The following BAZ1B variants were observed in gnomAD, a reference collection of about 807,000 sequenced individuals.
BAZ1B encodes bromodomain adjacent to zinc finger domain 1B.
A neutral mutation model predicts 153.8 loss-of-function variants in BAZ1B; 22 were observed. The ratio of observed to expected loss-of-function variants is 0.14; its 90% CI spans 0.10 to 0.20. BAZ1B has a LOEUF of 0.20. Ranked by LOEUF, BAZ1B falls within the 10% of genes least tolerant of loss-of-function variation. The pLI is 1.00. For missense variants in BAZ1B, 1,325 were observed against 1,799.3 expected (o/e 0.74, Z 4.77); for synonymous variants, 676 against 633.4 (o/e 1.07, Z -1.01).
At chr7:73,461,749 T>C (rs1425931727) in intron 12 of BAZ1B, among the ~76,000 whole-genome samples, 3 of 152,096 alleles carry the variant, frequency 2.0e-5, no homozygotes, top group African/African-American at 7.2e-5. Context: ...AAAAATGGCA[T>C]GGGGGAATGC....
intron 17 of BAZ1B, 24 bp downstream of exon 17, chr7:73,443,960 G>A (rs1787726346): frequency 6.2e-7 from 1 of 1,613,280 alleles, no homozygotes; most frequent in Non-Finnish European, 8.5e-7. Context: ...AAAGGTTAGA[G>A]AAGGGATGAT....
At chr7:73,511,865 C>CA (rs562678974) in intron 1 of BAZ1B, among the ~76,000 whole-genome samples, 15,548 of 119,282 alleles carry the variant, frequency 0.13, 882 homozygotes, top group Middle Eastern at 0.15. Flanking sequence ...TACTAAAAAT[C>CA]AAAAAAAAAA....
At position 73,442,268 on chromosome 7, in the gene BAZ1B, C is replaced by G; in HGVS notation, c.4380G>C (p.Arg1460Ser). The change falls in exon 19 of 20, where the codon AGG becomes AGC. Residue 1460 changes from arginine (R) to serine (S), a missense_variant. Coordinates refer to ENST00000339594, the MANE Select transcript of BAZ1B (RefSeq NM_032408.4). ...VRRKRKKFPDRLAEDEGDSEP... is the reference protein window; with the variant it reads ...VRRKRKKFPDSLAEDEGDSEP... ...CACTGTCCCCTTCATCTTCAGCAAG[C>G]CTATCAGGAAACTTCTTGCGCTTCC... 1 of 1,614,068 alleles carries G rather than the reference C, an allele frequency of 6.2e-7. No individual in the cohort carries two copies.
intron 1 of BAZ1B, among the ~76,000 whole-genome samples, chr7:73,513,611 T>C (rs2115586583): frequency 6.6e-6 from 1 of 152,302 alleles, no homozygotes; most frequent in Admixed American, 6.5e-5. Context: ...GGATTTGTCT[T>C]ATTTTTGTCT....
intron 7 of BAZ1B, among the ~76,000 whole-genome samples, chr7:73,471,653 A>G (rs1312150208): frequency 1.3e-5 from 2 of 152,154 alleles, no homozygotes; most frequent in East Asian, 3.8e-4. Flanking sequence ...CTCAGCCCCA[A>G]TAATTTTTAA....
intron 13 of BAZ1B, among the ~76,000 whole-genome samples, chr7:73,454,219 G>T (rs191037561): frequency 6.6e-6 from 1 of 151,974 alleles, no homozygotes; most frequent in Non-Finnish European, 1.5e-5. Context: ...CCAGCTACTC[G>T]GGAAAGTGAG....
chr7:73,513,551 T>C (rs1278096292), intron 1 of BAZ1B, among the ~76,000 whole-genome samples: 2 of 152,146 alleles, frequency 1.3e-5, no homozygotes, highest in Admixed American at 6.6e-5. Context: ...TTCAAACTTA[T>C]ACCCAGAGAA....
At chr7:73,443,504 C>T (rs1787707394) in intron 17 of BAZ1B, among the ~76,000 whole-genome samples, 1 of 146,826 alleles carries the variant, frequency 6.8e-6, no homozygotes, top group Non-Finnish European at 1.5e-5. Context: ...TTTGATCTGT[C>T]AAAACAAGCA....
At chr7:73,506,482 G>A (rs537920901) in intron 3 of BAZ1B, among the ~76,000 whole-genome samples, 2 of 145,568 alleles carry the variant, frequency 1.4e-5, no homozygotes, top group East Asian at 4.2e-4. Flanking sequence ...CTAGGCAACA[G>A]AGCGAGACTC....
At chr7:73,455,239 C>T (rs1554569378) in intron 13 of BAZ1B, among the ~76,000 whole-genome samples, 1 of 151,998 alleles carries the variant, frequency 6.6e-6, no homozygotes, top group Non-Finnish European at 1.5e-5. Flanking sequence ...TTACTAGCGA[C>T]TGGCACAAGC....
At chr7:73,461,913 G>GC (rs1477725053) in intron 12 of BAZ1B, among the ~76,000 whole-genome samples, 2 of 152,206 alleles carry the variant, frequency 1.3e-5, no homozygotes, top group Non-Finnish European at 2.9e-5. Context: ...AACATAGTGA[G>GC]ATTTTGTCTC....
intron 7 of BAZ1B, among the ~76,000 whole-genome samples, chr7:73,472,885 T>C (rs1554572257): frequency 6.6e-6 from 1 of 151,652 alleles, no homozygotes; most frequent in Non-Finnish European, 1.5e-5. Flanking sequence ...GCTTCCCGAG[T>C]AGCTGGAATT....
chr7:73,484,803 C>G (rs1418606280), intron 6 of BAZ1B, among the ~76,000 whole-genome samples: 4 of 152,050 alleles, frequency 2.6e-5, no homozygotes, highest in African/African-American at 7.2e-5. Flanking sequence ...AAAGAGCATT[C>G]TACAAAATAA....
At position 73,521,308 on chromosome 7, in the gene BAZ1B, A is replaced by G. The variant is rs567646777; in HGVS notation, c.107+519T>C. ...CGGCCTAAAGTCCCCTCGGGAGACG[A>G]AAAAAACGCCAAGTATCCCCGCAGA... On this transcript the variant is annotated intron_variant, in intron 1 of 19. Transcript: ENST00000339594. 3.9e-5 allele frequency among the ~76,000 whole-genome samples: 6 copies of G among 152,288 alleles called. No individual in the cohort carries two copies. In the East Asian group the frequency reaches 9.6e-4, roughly 24 times the overall value.
intron 15 of BAZ1B, among the ~76,000 whole-genome samples, chr7:73,448,196 C>A (rs1340135295): frequency 1.3e-5 from 2 of 152,028 alleles, no homozygotes; most frequent in Non-Finnish European, 1.5e-5. Context: ...CCTAGCTACT[C>A]GGGAGGCTGA....
At chr7:73,480,157 CAAAA>C (rs112891160) in intron 6 of BAZ1B, among the ~76,000 whole-genome samples, 5 of 93,276 alleles carry the variant, frequency 5.4e-5, no homozygotes, top group Admixed American at 1.2e-4. Context: ...GACTCTGCCT[CAAAA>C]AAAAAAAAAA....
chr7:73,464,017 T>C (rs1788488114), intron 11 of BAZ1B: 4 of 729,058 alleles, frequency 5.5e-6, no homozygotes, highest in Non-Finnish European at 6.7e-6. Flanking sequence ...TCCTCTGTCT[T>C]TCTTAATTTG....
At chr7:73,475,232 A>G (rs1279797153) in intron 7 of BAZ1B, among the ~76,000 whole-genome samples, 1 of 152,238 alleles carries the variant, frequency 6.6e-6, no homozygotes, top group African/African-American at 2.4e-5. Flanking sequence ...TATTTACTCT[A>G]AAGAAATTTA....
At chr7:73,516,477 C>T (rs1554579296) in intron 1 of BAZ1B, among the ~76,000 whole-genome samples, 2 of 152,004 alleles carry the variant, frequency 1.3e-5, no homozygotes, top group African/African-American at 4.8e-5. Context: ...AATTAATTGC[C>T]TAGTCAAACT....
Sources: allele counts gnomAD v4.1 joint callset (sites outside exome capture counted in the v4.1 genomes callset), GRCh38; gene constraint gnomAD v4.1.1; transcripts MANE v1.5; gene names NCBI Gene and HGNC (gene_info 2026-07-23, HGNC 2026-07-21).